AFF3: variants seen among roughly 807,000 people sequenced by gnomAD.
AFF3 encodes the protein ALF transcription elongation factor 3, also known as AF4/FMR2 family member 3.
A neutral mutation model predicts 129.7 loss-of-function variants in AFF3; 32 were observed. The observed-to-expected ratio is 0.25, with a 90% CI of 0.19 to 0.33. AFF3 has a LOEUF of 0.33. Ranked by LOEUF, AFF3 falls within the 10% of genes least tolerant of loss-of-function variation. AFF3 has a pLI of 1.00. For missense variants in AFF3, 1,373 were observed against 1,592.0 expected, an observed-to-expected ratio of 0.86 and a Z score of 2.34; for synonymous variants, 644 against 635.4, an observed-to-expected ratio of 1.01 and a Z score of -0.20.
At chr2:100,106,913 G>A in intron 2 of AFF3, 1 of 985,372 alleles carries the variant, frequency 1.0e-6, no homozygotes, top group Non-Finnish European at 1.2e-6. Flanking sequence ...CTGGTTGAGG[G>A]GTTTACTCAT....
intron 12 of AFF3, among the ~76,000 whole-genome samples, chr2:99,665,380 T>C (rs1686588306): frequency 6.6e-6 from 1 of 152,204 alleles, no homozygotes; most frequent in African/African-American, 2.4e-5. Context: ...GCTGAGTTTA[T>C]AGGACTTAGA....
At chr2:99,839,812 A>C (rs186831840) in intron 7 of AFF3, among the ~76,000 whole-genome samples, 52 of 151,688 alleles carry the variant, frequency 3.4e-4, no homozygotes, top group Middle Eastern at 6.8e-3. Flanking sequence ...GGGTTTCACT[A>C]TGTTAGCCAG....
At chr2:99,691,007 G>A (rs1349849839) in intron 11 of AFF3, among the ~76,000 whole-genome samples, 1 of 152,076 alleles carries the variant, frequency 6.6e-6, no homozygotes, top group Non-Finnish European at 1.5e-5. Flanking sequence ...ATGCATGTTG[G>A]AGGGACCCAT....
chr2:99,712,016 G>A (rs774554338), intron 11 of AFF3, among the ~76,000 whole-genome samples: 1 of 152,084 alleles, frequency 6.6e-6, no homozygotes, highest in Non-Finnish European at 1.5e-5. Context: ...CATTGCAAAA[G>A]GGCCAAACTC....
At chr2:99,972,828 C>T (rs1171331121) in intron 7 of AFF3, among the ~76,000 whole-genome samples, 5 of 152,180 alleles carry the variant, frequency 3.3e-5, no homozygotes, top group Non-Finnish European at 7.3e-5. Context: ...CCCAACTCCT[C>T]GCTCAACTCC....
rs144169915 is a variant in AFF3, at chr2:100,006,933, A to G, written c.572T>C (p.Val191Ala). The G allele has an allele frequency of 4.5e-5, 73 of 1,613,968 alleles. 1 individual carries two copies. In the African/African-American group the frequency reaches 9.2e-4, roughly 20 times the overall value. The stretch of plus-strand genomic sequence containing the variant: ...TGGCCTCTCCTGGGTCTGAAGGCCC[A>G]CCTCCACATTGCACACTTGTTTGGC... ...PRAKQVCNVE[V>A]GLQTQERPPA... The change falls in exon 7 of 25, where the codon GTG becomes GCG. Residue 191 changes from valine (V) to alanine (A), a missense_variant. Val to Ala is a moderately conservative substitution (Grantham distance 64, BLOSUM62 0). Coordinates refer to ENST00000672756, the MANE Select transcript of AFF3 (RefSeq NM_001386135.1).
chr2:99,551,871 T>C (rs1029356337), intron 24 of AFF3, among the ~76,000 whole-genome samples: 13 of 152,328 alleles, frequency 8.5e-5, no homozygotes, highest in African/African-American at 3.1e-4. Context: ...ATCCTCCAGC[T>C]GCATTCTCCT....
intron 11 of AFF3, among the ~76,000 whole-genome samples, chr2:99,684,369 C>G (rs1674832881): frequency 6.6e-6 from 1 of 152,208 alleles, no homozygotes; most frequent in Non-Finnish European, 1.5e-5. Context: ...GCCATCTCCC[C>G]TCCCCCTGCA....
intron 16 of AFF3, among the ~76,000 whole-genome samples, chr2:99,585,891 G>A (rs903737301): frequency 2.0e-5 from 3 of 152,054 alleles, no homozygotes; most frequent in African/African-American, 7.2e-5. Context: ...ACCACACCCA[G>A]CTAATTTTTT....
At chr2:99,898,855 T>C (rs902224345) in intron 7 of AFF3, among the ~76,000 whole-genome samples, 1 of 152,194 alleles carries the variant, frequency 6.6e-6, no homozygotes, top group African/African-American at 2.4e-5. Flanking sequence ...GCTCTCTCGC[T>C]TTGGCCAACG....
chr2:99,623,148 GTTCT>G (rs1303212012), intron 13 of AFF3, among the ~76,000 whole-genome samples: 1 of 144,902 alleles, frequency 6.9e-6, no homozygotes, highest in African/African-American at 2.6e-5. Flanking sequence ...TTGACCTCTG[GTTCT>G]TTTTTTTTTT....
chr2:99,882,932 G>A (rs968749445), intron 7 of AFF3, among the ~76,000 whole-genome samples: 2 of 152,210 alleles, frequency 1.3e-5, no homozygotes, highest in Non-Finnish European at 2.9e-5. Context: ...AGGGCCCGGT[G>A]CAGTTTAAGT....
At chr2:100,005,046 T>C (rs377046217) in intron 7 of AFF3, among the ~76,000 whole-genome samples, 41 of 152,304 alleles carry the variant, frequency 2.7e-4, no homozygotes, top group African/African-American at 8.7e-4. Context: ...AAGCTCTGAT[T>C]TCTCTCAGCG....
At chr2:99,669,290 C>G (rs910856463) in intron 12 of AFF3, among the ~76,000 whole-genome samples, 12 of 152,142 alleles carry the variant, frequency 7.9e-5, no homozygotes, top group African/African-American at 2.9e-4. Context: ...CTATTCTACT[C>G]CCCGACCCCT....
chr2:100,069,008 G>A (rs975290964), intron 4 of AFF3, among the ~76,000 whole-genome samples: 3 of 152,078 alleles, frequency 2.0e-5, no homozygotes, highest in African/African-American at 7.2e-5. Context: ...CTGTTATACA[G>A]TAAACTTGTA....
In AFF3 at chr2:99,998,905, C is replaced by T. The variant is rs560156657; in HGVS notation, c.873+7727G>A. Among the ~76,000 whole-genome samples the T allele has an allele frequency of 2.0e-5, 3 of 152,244 alleles. No homozygotes were observed. In the East Asian group the frequency reaches 5.8e-4, roughly 29 times the overall value. ...AGAACTCTGCATATTTTAGGTCTTTCGTACATTAAAACCTAGTTCATGTGG... is the reference window on the plus strand; with the variant it reads ...AGAACTCTGCATATTTTAGGTCTTTTGTACATTAAAACCTAGTTCATGTGG... On this transcript the variant is annotated intron_variant, in intron 7 of 24. Coordinates refer to ENST00000672756, the MANE Select transcript of AFF3 (RefSeq NM_001386135.1).
chr2:100,120,362 G>A (rs1470645110), intron 2 of AFF3, among the ~76,000 whole-genome samples: 1 of 152,088 alleles, frequency 6.6e-6, no homozygotes, highest in Non-Finnish European at 1.5e-5. Flanking sequence ...ATCTTTTATG[G>A]AGGCAAATTA....
chr2:99,885,335 T>C (rs1332912947), intron 7 of AFF3, among the ~76,000 whole-genome samples: 2 of 152,202 alleles, frequency 1.3e-5, no homozygotes, highest in Non-Finnish European at 2.9e-5. Context: ...TCTTGCTTGA[T>C]ATGCATTCCC....
At chr2:99,896,620 C>CTTT (rs35573862) in intron 7 of AFF3, among the ~76,000 whole-genome samples, 1,537 of 36,144 alleles carry the variant, frequency 0.043, 538 homozygotes, top group Middle Eastern at 0.071. Context: ...TGTCAAAATG[C>CTTT]TTTTTTTTTT....
Sources: gnomAD v4.1 joint callset for allele counts (sites outside exome capture counted in the v4.1 genomes callset) on GRCh38, gnomAD v4.1.1 for gene constraint, MANE v1.5 for transcripts, NCBI Gene and HGNC (gene_info 2026-07-23, HGNC 2026-07-21) for gene names.